Variants in OCA2 observed in about 807,000 individuals in gnomAD.
OCA2 encodes the protein P protein.
OCA2 carries 77 observed loss-of-function variants against 100.2 expected under a neutral mutation model. That is an observed-to-expected ratio of 0.77 (90% CI 0.64 to 0.93). The LOEUF is 0.93. Ranked by LOEUF, OCA2 falls within the 40% of genes least tolerant of loss-of-function variation. OCA2 has a pLI of 0.00. For synonymous variants in OCA2, 432 were observed against 439.2 expected (o/e 0.98, Z 0.21); for missense variants, 1,062 against 1,089.1 (o/e 0.98, Z 0.35).
chr15:27,720,849 A>T, the OCA2 span, among the ~76,000 whole-genome samples: 361 of 152,332 alleles, frequency 2.4e-3, 2 homozygotes, highest in Non-Finnish European at 9.0e-4. Context: ...CTTACTCACC[A>T]TATCACCTCT....
At chr15:27,965,990 A>G (rs2040553824) in intron 15 of OCA2, among the ~76,000 whole-genome samples, 1 of 145,570 alleles carries the variant, frequency 6.9e-6, no homozygotes, top group Non-Finnish European at 1.5e-5. Context: ...TTTGTTTTTG[A>G]GACAGAGTTT....
At position 27,890,023 on chromosome 15, in the gene OCA2, T is replaced by G. The variant is rs541116111; in HGVS notation, c.2080-18101A>C. 5.5e-4 allele frequency among the ~76,000 whole-genome samples: 83 copies of G among 152,262 alleles called. 4 individuals carry two copies. In the South Asian group the frequency reaches 0.017, roughly 30 times the overall value. ...TGATGAGTGCTACATCCTCACGCAG[T>G]GGAAGAGCAAGCCCAATAACAGAAT... On this transcript the variant is annotated intron_variant, in intron 19 of 23. Coordinates refer to ENST00000354638, the MANE Select transcript of OCA2 (RefSeq NM_000275.3).
chr15:27,721,900 A>G, the OCA2 span, among the ~76,000 whole-genome samples: 3 of 152,220 alleles, frequency 2.0e-5, no homozygotes, highest in Non-Finnish European at 4.4e-5. Context: ...ATATCCTTCT[A>G]TCTACACACC....
At chr15:28,017,358 T>A (rs1242729066) in intron 7 of OCA2, among the ~76,000 whole-genome samples, 1 of 152,108 alleles carries the variant, frequency 6.6e-6, no homozygotes, top group Non-Finnish European at 1.5e-5. Context: ...GCCATACAGA[T>A]CATTTAATCT....
chr15:27,808,423 G>A (rs2033945034), intron 23 of OCA2, among the ~76,000 whole-genome samples: 1 of 152,220 alleles, frequency 6.6e-6, no homozygotes, highest in Non-Finnish European at 1.5e-5. Flanking sequence ...GGACCGCTGG[G>A]AGGCAGGATT....
intron 23 of OCA2, among the ~76,000 whole-genome samples, chr15:27,817,764 G>T (rs898344622): frequency 3.3e-5 from 5 of 152,146 alleles, no homozygotes; most frequent in African/African-American, 9.7e-5. Flanking sequence ...TGCACAGGGG[G>T]CATACAAACC....
intron 14 of OCA2, among the ~76,000 whole-genome samples, chr15:27,971,530 C>T (rs908861116): frequency 6.6e-6 from 1 of 152,110 alleles, no homozygotes; most frequent in African/African-American, 2.4e-5. Flanking sequence ...CCAAGGGAGG[C>T]TTGTGGCTGG....
intron 23 of OCA2, among the ~76,000 whole-genome samples, chr15:27,791,064 C>T (rs1213326741): frequency 1.3e-5 from 2 of 152,064 alleles, no homozygotes; most frequent in African/African-American, 4.8e-5. Flanking sequence ...GGTGGAATTA[C>T]AGGCATGAGC....
chr15:27,772,616 G>T (rs1442124056), intron 23 of OCA2, among the ~76,000 whole-genome samples: 1 of 152,092 alleles, frequency 6.6e-6, no homozygotes, highest in Non-Finnish European at 1.5e-5. Context: ...GCCGAGGTGG[G>T]TAGATCACGA....
At chr15:27,903,615 TTCCTGCCCTCCATCCCCCAG>T (rs1190363666) in intron 19 of OCA2, among the ~76,000 whole-genome samples, 1 of 152,184 alleles carries the variant, frequency 6.6e-6, no homozygotes, top group Non-Finnish European at 1.5e-5. Flanking sequence ...CGCCCCCTGC[TTCCTGCCCTCCATCCCCCAG>T]GAGCGGGTCC....
In OCA2 at chr15:27,865,233, C is replaced by T. The variant is rs567952951; in HGVS notation, c.2244+5921G>A. Reference sequence around the variant, plus strand: ...GCGAAGGCTGCTGAAATGCCCCACACAGCTCAGGCCCCCGCCAGCTCTCCC... The same window carrying T: ...GCGAAGGCTGCTGAAATGCCCCACATAGCTCAGGCCCCCGCCAGCTCTCCC... On this transcript the variant is annotated intron_variant, in intron 21 of 23. Coordinates refer to ENST00000354638, the MANE Select transcript of OCA2 (RefSeq NM_000275.3). Among the ~76,000 whole-genome samples the T allele has an allele frequency of 2.0e-5, 3 of 152,264 alleles. No individual in the cohort carries two copies. The South Asian group carries it at 6.2e-4, about 32-fold the overall frequency.
chr15:27,766,597 C>G (rs557547792), intron 23 of OCA2, among the ~76,000 whole-genome samples: 1 of 152,290 alleles, frequency 6.6e-6, no homozygotes, highest in African/African-American at 2.4e-5. Flanking sequence ...TCTCTGGAAG[C>G]CTCACACCCT....
chr15:27,841,273 A>G (rs1467577712), intron 23 of OCA2, among the ~76,000 whole-genome samples: 2 of 152,344 alleles, frequency 1.3e-5, no homozygotes, highest in Non-Finnish European at 2.9e-5. Context: ...TTAGAGATGG[A>G]GAAGAGATTG....
chr15:27,978,475 T>C (rs2041039399), intron 14 of OCA2, among the ~76,000 whole-genome samples: 3 of 152,198 alleles, frequency 2.0e-5, no homozygotes, highest in Non-Finnish European at 4.4e-5. Context: ...CTGTCATTGG[T>C]TGTATAAATG....
intron 9 of OCA2, among the ~76,000 whole-genome samples, chr15:27,995,051 A>G (rs560963724): frequency 1.3e-5 from 2 of 152,340 alleles, no homozygotes; most frequent in African/African-American, 4.8e-5. Context: ...CACTGATAAA[A>G]TGGTCAATTC....
intron 19 of OCA2, among the ~76,000 whole-genome samples, chr15:27,888,627 T>C (rs535374595): frequency 2.0e-5 from 3 of 152,342 alleles, no homozygotes; most frequent in East Asian, 3.9e-4. Flanking sequence ...ATGGAAATGA[T>C]AGATCTAAAA....
chr15:27,796,122 G>A (rs984961006), intron 23 of OCA2, among the ~76,000 whole-genome samples: 1 of 152,212 alleles, frequency 6.6e-6, no homozygotes, highest in Non-Finnish European at 1.5e-5. Context: ...AGGACCTCAG[G>A]TTCTGCTGAT....
rs2044640419 is a variant in OCA2, at chr15:28,081,829, C to T, written c.46G>A (p.Ala16Thr). 1 of 1,611,842 alleles carries T rather than the reference C, an allele frequency of 6.2e-7. No homozygotes were observed. Among genetic ancestry groups the T allele is most frequent in the Non-Finnish European group, 8.5e-7 (1 of 1,179,772 alleles). The change falls in exon 2 of 24, where the codon GCG becomes ACG. Residue 16 changes from alanine to threonine, a missense_variant. Coordinates refer to ENST00000354638, the MANE Select transcript of OCA2 (RefSeq NM_000275.3). ...ACGGACGTCTGCAGGAGCTCCACCG[C>T]CGGCGCGCCGGGGTACCGCCTGCCG... ...RDGRRYPGAP[A>T]VELLQTSVPS...
At chr15:28,041,784 A>G (rs1436908614) in intron 2 of OCA2, among the ~76,000 whole-genome samples, 14 of 152,250 alleles carry the variant, frequency 9.2e-5, no homozygotes. Flanking sequence ...AATCTTAGAA[A>G]CATAATGTTG....
Sources: allele counts gnomAD v4.1 joint callset (sites outside exome capture counted in the v4.1 genomes callset), GRCh38; gene constraint gnomAD v4.1.1; transcripts MANE v1.5; gene names NCBI Gene and HGNC (gene_info 2026-07-23, HGNC 2026-07-21).